Variants in MOCS1 observed in about 807,000 individuals in gnomAD.
The protein encoded by MOCS1 is molybdenum cofactor biosynthesis protein 1.
Under a neutral mutation model 57.6 loss-of-function variants are expected in MOCS1, and 39 were observed. The observed-to-expected ratio is 0.68, with a 90% CI of 0.52 to 0.88. MOCS1 has a LOEUF of 0.88. Among genes scored for constraint, MOCS1 ranks in the 40% least tolerant of loss-of-function variants. The probability of loss-of-function intolerance (pLI) is 0.00; values close to 1 mark genes in which losing one functional copy is unlikely to be tolerated. For synonymous variants in MOCS1, 334 were observed against 335.7 expected, an observed-to-expected ratio of 1.00 and a Z score of 0.05; for missense variants, 795 against 831.1, an observed-to-expected ratio of 0.96 and a Z score of 0.53.
intron 3 of MOCS1, among the ~76,000 whole-genome samples, chr6:39,922,424 C>G (rs1209660528): frequency 1.3e-5 from 2 of 152,132 alleles, no homozygotes; most frequent in Non-Finnish European, 2.9e-5. Flanking sequence ...AAATTTTTAG[C>G]TCATCAGCTA....
intron 4 of MOCS1, among the ~76,000 whole-genome samples, chr6:39,915,361 A>G (rs1165000797): frequency 6.6e-6 from 1 of 152,116 alleles, no homozygotes; most frequent in Non-Finnish European, 1.5e-5. Context: ...GAGGAAGGAG[A>G]TCTGGGTCTC....
intron 8 of MOCS1, among the ~76,000 whole-genome samples, chr6:39,911,829 C>T (rs796565859): frequency 1.3e-5 from 2 of 152,338 alleles, no homozygotes; most frequent in South Asian, 4.1e-4. Context: ...CTGCATAGCC[C>T]TGACGAGAAG....
chr6:39,915,367 G>C (rs1404420331), intron 4 of MOCS1, among the ~76,000 whole-genome samples: 1 of 152,082 alleles, frequency 6.6e-6, no homozygotes, highest in East Asian at 1.9e-4. Context: ...GGAGATCTGG[G>C]TCTCCCTGCC....
intron 3 of MOCS1, 48 bp from the exon 4 acceptor site, chr6:39,916,280 GA>G: frequency 6.2e-7 from 1 of 1,609,148 alleles, no homozygotes; most frequent in Non-Finnish European, 8.5e-7. Context: ...TGTTCTTGGT[GA>G]GGCCGGGAAA....
rs926044418 is a variant in MOCS1 at position 39,934,262 on chromosome 6, G to A, written c.123+33C>T. On this transcript the variant is annotated intron_variant, in intron 1 of 10. Coordinates refer to ENST00000340692, the MANE Select transcript of MOCS1 (RefSeq NM_001358530.2). ...AGTGTGCCGGGGCCACTCCTGCCCC[G>A]GGAAGCTGTGGACGCAGGCGGGGTG... 3.3e-6 allele frequency: 5 copies of A among 1,518,572 alleles called. No individual in the cohort carries two copies. The Admixed American group carries it at 8.1e-5, about 25-fold the overall frequency. 94.1% of individuals were successfully genotyped at this position (1,518,572 alleles called of 1,614,324 possible). A position where few individuals can be genotyped will look rare whatever the true frequency, so the allele number is the denominator to read the frequency against.
At chr6:39,922,256 G>C (rs1768011980) in intron 3 of MOCS1, among the ~76,000 whole-genome samples, 1 of 152,186 alleles carries the variant, frequency 6.6e-6, no homozygotes, top group African/African-American at 2.4e-5. Context: ...AGTGGCTACT[G>C]TATCAGACAA....
At chr6:39,912,145 C>G (rs1243311106) in intron 8 of MOCS1, 119 bp downstream of exon 8, 2 of 822,290 alleles carry the variant, frequency 2.4e-6, no homozygotes, top group Non-Finnish European at 4.3e-6. Context: ...ATTATTGCAC[C>G]AACCACCTCC....
intron 4 of MOCS1, among the ~76,000 whole-genome samples, chr6:39,915,428 A>C: frequency 6.6e-6 from 1 of 152,066 alleles, no homozygotes; most frequent in East Asian, 1.9e-4. Flanking sequence ...CCCAAATATC[A>C]AAGGGTATCC....
At position 39,904,430 on chromosome 6, in the gene MOCS1, GT is replaced by G. The variant is rs1562074961; in HGVS notation, c.*1926del. 2.2e-6 allele frequency: 1 copy of G among 454,966 alleles called. No individual in the cohort carries two copies. The highest frequency in any genetic ancestry group is 4.4e-6 in the Non-Finnish European group (1 of 226,964). 28.2% of individuals were successfully genotyped at this position (454,966 alleles called of 1,614,324 possible). A position where few individuals can be genotyped will look rare whatever the true frequency, so the allele number is the denominator to read the frequency against. On this transcript the variant is annotated 3_prime_UTR_variant, in exon 11 of 11. Transcript: ENST00000340692. The stretch of plus-strand genomic sequence containing the variant: ...GGGTGGCTGAGCTGGTCCTTAATAG[GT>G]TGTTTCTTGGTCTTGCTTTCTTCAT...
intron 8 of MOCS1, among the ~76,000 whole-genome samples, chr6:39,911,334 A>G (rs1437863438): frequency 6.6e-6 from 1 of 152,132 alleles, no homozygotes; most frequent in African/African-American, 2.4e-5. Context: ...CAATTGTAAA[A>G]GATCCCAAGG....
At chr6:39,925,598 G>T in intron 3 of MOCS1, 80 bp downstream of exon 3, 1 of 1,527,550 alleles carries the variant, frequency 6.5e-7, no homozygotes, top group Non-Finnish European at 9.1e-7. Flanking sequence ...AATGTCAGCT[G>T]CCACTGTTAA....
At position 39,904,894 on chromosome 6, in the gene MOCS1, T is replaced by C. The variant is rs1374563450; in HGVS notation, c.*1463A>G. 2.2e-6 allele frequency: 1 copy of C among 454,022 alleles called. No homozygotes were observed. The highest frequency in any genetic ancestry group is 4.4e-6 in the Non-Finnish European group (1 of 226,810). The allele number at this position is 454,022 out of a possible 1,614,324, so 28.1% of individuals were successfully genotyped here. A position where few individuals can be genotyped will look rare whatever the true frequency, so the allele number is the denominator to read the frequency against. ...AGTCTGCCTTTAAACTTGTGCCTTC[T>C]TCCTATGAGGGGATCTGGGGTGGGC... is the stretch of plus-strand genomic sequence containing the variant. On this transcript the variant is annotated 3_prime_UTR_variant, in exon 11 of 11. Transcript: ENST00000340692.
rs932465511 is a variant in MOCS1, at chr6:39,934,276, G to A, written c.123+19C>T. The A allele has an allele frequency of 6.5e-7, 1 of 1,531,498 alleles. No individual in the cohort carries two copies. 94.9% of individuals were successfully genotyped at this position (1,531,498 alleles called of 1,614,324 possible). A position where few individuals can be genotyped will look rare whatever the true frequency, so the allele number is the denominator to read the frequency against. ...ACTCCTGCCCCGGGAAGCTGTGGAC[G>A]CAGGCGGGGTGGGCTCACCTCCGAG... On this transcript the variant is annotated intron_variant, in intron 1 of 10. Coordinates refer to ENST00000340692, the MANE Select transcript of MOCS1 (RefSeq NM_001358530.2).
intron 3 of MOCS1, among the ~76,000 whole-genome samples, chr6:39,922,560 T>G (rs576120545): frequency 6.6e-6 from 1 of 152,248 alleles, no homozygotes; most frequent in African/African-American, 2.4e-5. Context: ...CCGCCATAAC[T>G]TTTGCACCAA....
At chr6:39,919,853 T>C (rs9689382) in intron 3 of MOCS1, among the ~76,000 whole-genome samples, 2,117 of 152,308 alleles carry the variant, frequency 0.014, 37 homozygotes, top group African/African-American at 0.045. Context: ...AGGACCTATA[T>C]GCAAATTTAA....
At position 39,913,409 on chromosome 6, in the gene MOCS1, C is replaced by A. The variant is rs772989676; in HGVS notation, c.665G>T (p.Arg222Leu). 15 of 1,614,084 alleles carry A rather than the reference C, an allele frequency of 9.3e-6. No individual in the cohort carries two copies. In the South Asian group the frequency reaches 1.6e-4, roughly 18 times the overall value. Residue 222 changes from arginine to leucine, a missense_variant, in exon 6 of 11, where the codon CGA (arginine) becomes CTA (leucine). Coordinates refer to ENST00000340692, the MANE Select transcript of MOCS1 (RefSeq NM_001358530.2). ...NPVKVNCVVM[R>L]GLNEDELLDF... is the part of the protein sequence containing the mutation. ...CAGGAGTTCATCCTCGTTAAGGCCTCGCATCACCACACAGTTCACCTGGCC... is the reference window on the plus strand; with the variant it reads ...CAGGAGTTCATCCTCGTTAAGGCCTAGCATCACCACACAGTTCACCTGGCC...
intron 3 of MOCS1, among the ~76,000 whole-genome samples, chr6:39,923,310 C>G (rs1768080999): frequency 6.6e-6 from 1 of 152,214 alleles, no homozygotes; most frequent in African/African-American, 2.4e-5. Flanking sequence ...GAAACTGAGG[C>G]CCTCGGTGGG....
chr6:39,917,767 A>G (rs565840101), intron 3 of MOCS1, among the ~76,000 whole-genome samples: 2 of 152,358 alleles, frequency 1.3e-5, no homozygotes, highest in Admixed American at 6.5e-5. Context: ...TAAATATTCA[A>G]TCTTGAAAAT....
intron 1 of MOCS1, among the ~76,000 whole-genome samples, chr6:39,933,322 A>G (rs577898586): frequency 6.6e-6 from 1 of 152,206 alleles, no homozygotes; most frequent in Admixed American, 6.5e-5. Flanking sequence ...TCTCTTCCTC[A>G]ATGATGTTCA....
Sources: allele counts gnomAD v4.1 joint callset (sites outside exome capture counted in the v4.1 genomes callset), GRCh38; gene constraint gnomAD v4.1.1; transcripts MANE v1.5; gene names NCBI Gene and HGNC (gene_info 2026-07-23, HGNC 2026-07-21).